The following TMEM74 variants were observed in gnomAD, a reference collection of about 807,000 sequenced individuals.
TMEM74 encodes the protein transmembrane protein 74.
Under a neutral mutation model 18.1 loss-of-function variants are expected in TMEM74, and 13 were observed. The ratio of observed to expected loss-of-function variants is 0.72; its 90% confidence interval spans 0.47 to 1.14. The LOEUF (loss-of-function observed/expected upper bound fraction) is 1.14, where lower values mean the gene tolerates loss of function less well. Ranked by LOEUF, TMEM74 falls within the 50% of genes most tolerant of loss-of-function variation. The pLI, the probability that TMEM74 is intolerant of heterozygous loss-of-function variation, is 0.00. For missense variants in TMEM74, 372 were observed against 375.9 expected, an observed-to-expected ratio of 0.99 and a Z score of 0.09; for synonymous variants, 159 against 146.6, an observed-to-expected ratio of 1.08 and a Z score of -0.61.
intron 1 of TMEM74, among the ~76,000 whole-genome samples, chr8:108,769,332 C>A (rs988534802): frequency 2.0e-5 from 3 of 151,948 alleles, no homozygotes; most frequent in Non-Finnish European, 4.4e-5. Flanking sequence ...ATCTTACACA[C>A]ACACAAAAAA....
Position 108,681,843 on chromosome 8 carries a change from TAAAA to T in TMEM74, n.120-26410_120-26407del, listed in dbSNP as rs768110817. ...GTATGTTGTGTGTATTTTATTAAAA[TAAAA>T]AAGTCATCACCTAGTCATGTTGATT... On this transcript the variant is annotated intron_variant and non_coding_transcript_variant, in intron 1 of 3. Transcript: ENST00000518838. 1.4e-3 allele frequency among the ~76,000 whole-genome samples: 214 copies of T among 152,282 alleles called. 1 individual carries two copies. Among genetic ancestry groups the T allele is most frequent in the Middle Eastern group, 6.8e-3 (2 of 294 alleles).
At chr8:108,643,441 G>A (rs62512406) in intron 2 of TMEM74, among the ~76,000 whole-genome samples, 2,778 of 152,186 alleles carry the variant, frequency 0.018, 47 homozygotes, top group Middle Eastern at 0.034. Flanking sequence ...ATACTAATTT[G>A]TATAGATATA....
chr8:108,664,006 C>T (rs959070783), intron 1 of TMEM74, among the ~76,000 whole-genome samples: 1 of 152,114 alleles, frequency 6.6e-6, no homozygotes, highest in Non-Finnish European at 1.5e-5. Context: ...CTAGTGGATG[C>T]TGGGCTTAAT....
At chr8:108,658,711 ATGT>A (rs1180587313) in intron 1 of TMEM74, among the ~76,000 whole-genome samples, 1 of 152,208 alleles carries the variant, frequency 6.6e-6, no homozygotes, top group Non-Finnish European at 1.5e-5. Context: ...CCTCTTCGTA[ATGT>A]TGTAATCTCT....
intron 1 of TMEM74, among the ~76,000 whole-genome samples, chr8:108,751,701 C>A (rs1043513277): frequency 6.6e-6 from 1 of 151,916 alleles, no homozygotes; most frequent in Non-Finnish European, 1.5e-5. Context: ...AAACAAAAAA[C>A]CCCAAATTTT....
intron 1 of TMEM74, among the ~76,000 whole-genome samples, chr8:108,755,301 C>T (rs1468821184): frequency 6.6e-6 from 1 of 152,026 alleles, no homozygotes; most frequent in Non-Finnish European, 1.5e-5. Context: ...TGATTGCAGC[C>T]TCTGAGATCC....
intron 2 of TMEM74, among the ~76,000 whole-genome samples, chr8:108,618,540 C>T (rs1398071929): frequency 6.6e-6 from 1 of 152,120 alleles, no homozygotes; most frequent in African/African-American, 2.4e-5. Context: ...ATGAAAGTAG[C>T]TCTGTGGCTG....
At chr8:108,707,385 T>C (rs1445600532) in intron 1 of TMEM74, among the ~76,000 whole-genome samples, 12 of 151,984 alleles carry the variant, frequency 7.9e-5, no homozygotes, top group Non-Finnish European at 1.5e-5. Context: ...TCCAAATTAC[T>C]TGGATTGGCC....
intron 1 of TMEM74, among the ~76,000 whole-genome samples, chr8:108,701,421 T>C (rs1383893576): frequency 1.3e-5 from 2 of 152,024 alleles, no homozygotes; most frequent in Non-Finnish European, 2.9e-5. Context: ...AGAAATAAGG[T>C]TTACAGATTG....
intron 1 of TMEM74, among the ~76,000 whole-genome samples, chr8:108,768,055 G>A (rs577088280): frequency 1.6e-4 from 24 of 152,210 alleles, no homozygotes; most frequent in Admixed American, 4.6e-4. Context: ...TTGTCACAAA[G>A]CTTTATATCA....
At chr8:108,736,542 C>T (rs1333828906) in intron 1 of TMEM74, among the ~76,000 whole-genome samples, 1 of 151,874 alleles carries the variant, frequency 6.6e-6, no homozygotes, top group Non-Finnish European at 1.5e-5. Flanking sequence ...GGGAAATGCA[C>T]AATATGCACA....
intron 1 of TMEM74, among the ~76,000 whole-genome samples, chr8:108,703,793 CT>C (rs1813362409): frequency 6.6e-6 from 1 of 152,234 alleles, no homozygotes. Flanking sequence ...TGCCTGGCTC[CT>C]TGCTAAATGC....
At chr8:108,736,525 G>A (rs187657128) in intron 1 of TMEM74, among the ~76,000 whole-genome samples, 76 of 152,066 alleles carry the variant, frequency 5.0e-4, no homozygotes, top group African/African-American at 1.6e-3. Flanking sequence ...TATAGTTTTC[G>A]ATTCCAGGGA....
chr8:108,759,328 C>A (rs990859791), intron 1 of TMEM74, among the ~76,000 whole-genome samples: 3 of 151,920 alleles, frequency 2.0e-5, no homozygotes, highest in African/African-American at 7.3e-5. Context: ...CTTTGGAAGG[C>A]AATTTGACAG....
intron 1 of TMEM74, among the ~76,000 whole-genome samples, chr8:108,704,469 A>T (rs1459925303): frequency 6.6e-6 from 1 of 152,162 alleles, no homozygotes; most frequent in South Asian, 2.1e-4. Context: ...TCGATTTGTG[A>T]TATCTTTTAT....
chr8:108,635,270 G>A (rs559678318), intron 2 of TMEM74, among the ~76,000 whole-genome samples: 50 of 150,972 alleles, frequency 3.3e-4, no homozygotes, highest in Admixed American at 2.4e-3. Context: ...TGGTCTTAGC[G>A]CATTTTTTTT....
At chr8:108,714,820 A>G (rs1002340318) in intron 1 of TMEM74, among the ~76,000 whole-genome samples, 1 of 152,220 alleles carries the variant, frequency 6.6e-6, no homozygotes, top group Non-Finnish European at 1.5e-5. Context: ...TGTGGAATAT[A>G]TATACCATGG....
chr8:108,722,360 T>C (rs1290506776), intron 1 of TMEM74, among the ~76,000 whole-genome samples: 1 of 152,208 alleles, frequency 6.6e-6, no homozygotes, highest in East Asian at 1.9e-4. Context: ...ATCTTTCATA[T>C]ACAAGTGACC....
chr8:108,677,097 T>G (rs1813062691), intron 1 of TMEM74, among the ~76,000 whole-genome samples: 1 of 152,212 alleles, frequency 6.6e-6, no homozygotes, highest in South Asian at 2.1e-4. Flanking sequence ...ATCTCTTGAC[T>G]CCAACATCTC....
Sources: gnomAD v4.1 joint callset for allele counts (sites outside exome capture counted in the v4.1 genomes callset) on GRCh38, gnomAD v4.1.1 for gene constraint, MANE v1.5 for transcripts, NCBI Gene and HGNC (gene_info 2026-07-23, HGNC 2026-07-21) for gene names.